The following CSMD1 variants were observed in gnomAD, a reference collection of about 807,000 sequenced individuals.
The protein encoded by CSMD1 is CUB and sushi domain-containing protein 1.
In CSMD1, 213 loss-of-function variants were observed where a neutral mutation model predicts 417.5. That is an observed-to-expected ratio of 0.51 (90% confidence interval 0.46 to 0.57). The LOEUF is 0.57. Among genes scored for constraint, CSMD1 ranks in the 20% least tolerant of loss-of-function variants. CSMD1 has a pLI of 0.00. For synonymous variants in CSMD1, 2,862 were observed against 1,736.8 expected, an observed-to-expected ratio of 1.65 and a Z score of -16.11; for missense variants, 6,923 against 4,529.7, an observed-to-expected ratio of 1.53 and a Z score of -15.17.
intron 8 of CSMD1, among the ~76,000 whole-genome samples, chr8:3,592,876 A>G (rs1189240467): frequency 6.6e-6 from 1 of 152,216 alleles, no homozygotes; most frequent in Non-Finnish European, 1.5e-5. Context: ...AGGTTCTCCC[A>G]CTTCCTGCTT....
intron 5 of CSMD1, among the ~76,000 whole-genome samples, chr8:3,985,848 GGTCT>G (rs1275545404): frequency 6.6e-6 from 1 of 151,450 alleles, no homozygotes; most frequent in African/African-American, 2.4e-5. Context: ...CTGTACCCTA[GGTCT>G]GTCTGAGCAT....
intron 1 of CSMD1, among the ~76,000 whole-genome samples, chr8:4,791,842 T>C (rs1357521980): frequency 1.3e-5 from 2 of 152,144 alleles, no homozygotes; most frequent in East Asian, 3.8e-4. Context: ...TTCCAACAGA[T>C]ATACTTTTTT....
intron 11 of CSMD1, among the ~76,000 whole-genome samples, chr8:3,482,304 G>T (rs898595522): frequency 6.6e-6 from 1 of 151,930 alleles, no homozygotes; most frequent in Non-Finnish European, 1.5e-5. Context: ...AATGACCCAG[G>T]CATATTGATA....
Position 4,921,582 on chromosome 8 carries a change from C to T in CSMD1, c.85+72750G>A, listed in dbSNP as rs534609452. Among the ~76,000 whole-genome samples, 13 of 152,236 alleles carry T rather than the reference C, an allele frequency of 8.5e-5. No homozygotes were observed. In the East Asian group the frequency reaches 1.9e-3, roughly 23 times the overall value. On this transcript the variant is annotated intron_variant, in intron 1 of 69. Coordinates refer to ENST00000635120, the MANE Select transcript of CSMD1 (RefSeq NM_033225.6). ...AGAAATTCAGATGCTTATTAACATA[C>T]AATGCATATTTTCCAAAATACCTTT... is the stretch of plus-strand genomic sequence containing the variant.
At chr8:3,609,316 A>T (rs535226518) in intron 8 of CSMD1, among the ~76,000 whole-genome samples, 4 of 152,220 alleles carry the variant, frequency 2.6e-5, no homozygotes, top group Non-Finnish European at 5.9e-5. Context: ...AGATATTGGT[A>T]TTTGAATACT....
At chr8:4,011,539 C>A (rs893386610) in intron 4 of CSMD1, among the ~76,000 whole-genome samples, 1 of 152,262 alleles carries the variant, frequency 6.6e-6, no homozygotes, top group East Asian at 1.9e-4. Flanking sequence ...TGCAGAAGGC[C>A]CACATGTCAG....
intron 7 of CSMD1, among the ~76,000 whole-genome samples, chr8:3,682,442 T>C (rs1436628360): frequency 4.6e-5 from 7 of 151,980 alleles, no homozygotes; most frequent in Non-Finnish European, 1.5e-5. Flanking sequence ...CATGAAAAAA[T>C]GCTCATCATC....
intron 1 of CSMD1, among the ~76,000 whole-genome samples, chr8:4,725,055 G>C (rs1809335268): frequency 6.6e-6 from 1 of 151,962 alleles, no homozygotes; most frequent in Non-Finnish European, 1.5e-5. Flanking sequence ...AACATAAAAG[G>C]GGAAATGTGT....
intron 42 of CSMD1, among the ~76,000 whole-genome samples, chr8:3,115,529 T>A (rs1256834398): frequency 2.0e-5 from 3 of 152,176 alleles, no homozygotes; most frequent in Non-Finnish European, 4.4e-5. Context: ...TTTAATTTTT[T>A]AACTGAGACT....
intron 10 of CSMD1, among the ~76,000 whole-genome samples, chr8:3,565,983 C>G (rs143418292): frequency 6.6e-6 from 1 of 152,300 alleles, no homozygotes; most frequent in East Asian, 1.9e-4. Flanking sequence ...TTCCTTTCAT[C>G]AATATAATAC....
chr8:3,880,417 G>C (rs1214281597), intron 5 of CSMD1, among the ~76,000 whole-genome samples: 1 of 152,156 alleles, frequency 6.6e-6, no homozygotes, highest in Non-Finnish European at 1.5e-5. Flanking sequence ...ATTAGCTTCA[G>C]TTTCCAGGAT....
At chr8:3,918,882 G>A (rs1443750046) in intron 5 of CSMD1, among the ~76,000 whole-genome samples, 1 of 152,040 alleles carries the variant, frequency 6.6e-6, no homozygotes, top group Non-Finnish European at 1.5e-5. Context: ...TGTGGGGAAA[G>A]AATAGGAAGG....
intron 2 of CSMD1, among the ~76,000 whole-genome samples, chr8:4,620,755 A>G (rs75534261): frequency 0.035 from 5,372 of 151,994 alleles, 258 homozygotes; most frequent in African/African-American, 0.11. Flanking sequence ...AAATTATTAT[A>G]TGGAGGGAAA....
intron 5 of CSMD1, among the ~76,000 whole-genome samples, chr8:3,774,361 G>C (rs933743203): frequency 1.3e-5 from 2 of 152,204 alleles, no homozygotes; most frequent in African/African-American, 4.8e-5. Context: ...CGGTTGTTTG[G>C]ATGTCTGTCA....
At chr8:3,787,664 T>A (rs1022563687) in intron 5 of CSMD1, among the ~76,000 whole-genome samples, 4 of 152,166 alleles carry the variant, frequency 2.6e-5, no homozygotes, top group Non-Finnish European at 4.4e-5. Context: ...GTAATATAAT[T>A]TAGTATTGTT....
At chr8:4,935,998 C>G (rs1316080358) in intron 1 of CSMD1, among the ~76,000 whole-genome samples, 2 of 152,118 alleles carry the variant, frequency 1.3e-5, no homozygotes, top group Non-Finnish European at 2.9e-5. Context: ...CAAAAACAGC[C>G]AGGAATAATA....
At position 4,124,395 on chromosome 8, in the gene CSMD1, G is replaced by T. The variant is rs996441549; in HGVS notation, c.416-92296C>A. Among the ~76,000 whole-genome samples the T allele has an allele frequency of 5.2e-5, 4 of 77,318 alleles. No individual in the cohort carries two copies. The East Asian group carries it at 1.2e-3, about 24-fold the overall frequency. The allele number at this position is 77,318 out of a possible 152,430, so 50.7% of individuals were successfully genotyped here. ...CTTCTCCATATCAAAAAGGAGACAG[G>T]GGATTTGTATTTAATTTTTTTCCCT... On this transcript the variant is annotated intron_variant, in intron 3 of 69. Coordinates refer to ENST00000635120, the MANE Select transcript of CSMD1 (RefSeq NM_033225.6).
chr8:4,165,841 G>A (rs953505873), intron 3 of CSMD1, among the ~76,000 whole-genome samples: 22 of 152,120 alleles, frequency 1.4e-4, no homozygotes, highest in East Asian at 1.2e-3. Flanking sequence ...AACTAATTGC[G>A]TTTTTTGCCA....
chr8:3,298,124 T>C (rs1410490465), intron 25 of CSMD1, among the ~76,000 whole-genome samples: 2 of 152,190 alleles, frequency 1.3e-5, no homozygotes, highest in African/African-American at 2.4e-5. Context: ...AATTCTCTCA[T>C]ATACACCCTC....
Sources: gnomAD v4.1 joint callset for allele counts (sites outside exome capture counted in the v4.1 genomes callset) on GRCh38, gnomAD v4.1.1 for gene constraint, MANE v1.5 for transcripts, NCBI Gene and HGNC (gene_info 2026-07-23, HGNC 2026-07-21) for gene names.